AGPAT4: variants seen among roughly 807,000 people sequenced by gnomAD.
AGPAT4 encodes the protein 1-acylglycerol-3-phosphate O-acyltransferase 4, also known as 1-acyl-sn-glycerol-3-phosphate acyltransferase delta.
A neutral mutation model predicts 48.0 loss-of-function variants in AGPAT4; 15 were observed. The ratio of observed to expected loss-of-function variants is 0.31; its 90% CI spans 0.21 to 0.48. The LOEUF (loss-of-function observed/expected upper bound fraction) is 0.48, where lower values mean the gene tolerates loss of function less well. Ranked by LOEUF, AGPAT4 falls within the 20% of genes least tolerant of loss-of-function variation. The pLI is 0.99. For missense variants in AGPAT4, 314 were observed against 482.5 expected, an observed-to-expected ratio of 0.65 and a Z score of 3.27; for synonymous variants, 178 against 198.7, an observed-to-expected ratio of 0.90 and a Z score of 0.88.
chr6:161,230,736 C>A (rs1782101770), intron 2 of AGPAT4, among the ~76,000 whole-genome samples: 1 of 152,062 alleles, frequency 6.6e-6, no homozygotes, highest in South Asian at 2.1e-4. Flanking sequence ...ACCCAACAGG[C>A]CAGAGACAAA....
In AGPAT4 at chr6:161,208,740, T is replaced by C. The variant is rs1781447538; in HGVS notation, c.178+23296A>G. Among the ~76,000 whole-genome samples the C allele has an allele frequency of 6.6e-6, 1 of 152,242 alleles. No homozygotes were observed. Among genetic ancestry groups the C allele is most frequent in the Non-Finnish European group, 1.5e-5 (1 of 68,048 alleles). ...AAAAGAAAACTATTTGGTGCTGATT[T>C]ATTTAAATAAAAAATTATTTCCCAA... On this transcript the variant is annotated intron_variant, in intron 2 of 8. Coordinates refer to ENST00000320285, the MANE Select transcript of AGPAT4 (RefSeq NM_020133.3). This position sits in a 1 kb window ranked among gnomAD's most constrained non-coding sequence, Gnocchi z 4.6.
Position 161,173,561 on chromosome 6 carries a change from T to C in AGPAT4, c.179-7144A>G, listed in dbSNP as rs577352739. Among the ~76,000 whole-genome samples the C allele has an allele frequency of 2.0e-5, 3 of 152,346 alleles. No individual in the cohort carries two copies. The South Asian group carries it at 6.2e-4, about 32-fold the overall frequency. On this transcript the variant is annotated intron_variant, in intron 2 of 8. Coordinates refer to ENST00000320285, the MANE Select transcript of AGPAT4 (RefSeq NM_020133.3). ...GGATATTAGCCCTTTGTCAGATGGG[T>C]AGATTGTAAGATTTTTCTCCCATTC...
chr6:161,194,894 A>T (rs1211566771), intron 2 of AGPAT4, among the ~76,000 whole-genome samples: 1 of 152,162 alleles, frequency 6.6e-6, no homozygotes, highest in Non-Finnish European at 1.5e-5. Flanking sequence ...TCCATGGATG[A>T]TCTGATACAC....
rs1778975310 is a variant in AGPAT4, at chr6:161,133,685, TCTGGGGATGACCCTGCACTG to T, written c.*2835_*2854del. On this transcript the variant is annotated 3_prime_UTR_variant, in exon 9 of 9. Coordinates refer to ENST00000320285, the MANE Select transcript of AGPAT4 (RefSeq NM_020133.3). ...GTCGCCTAGGATATGGCCCGTCACG[TCTGGGGATGACCCTGCACTG>T]CTCTCCAGATTTCACTCAAGGTTCG... 1 of 152,142 alleles carries T rather than the reference TCTGGGGATGACCCTGCACTG, an allele frequency of 6.6e-6. No individual in the cohort carries two copies. Among genetic ancestry groups the T allele is most frequent in the Non-Finnish European group, 1.5e-5 (1 of 68,038 alleles). The allele number at this position is 152,142 out of a possible 1,614,324, so 9.4% of individuals were successfully genotyped here. A position where few individuals can be genotyped will look rare whatever the true frequency, so the allele number is the denominator to read the frequency against.
rs1781381013 is a variant in AGPAT4, at chr6:161,206,452, C to T, written c.178+25584G>A. 6.6e-6 allele frequency among the ~76,000 whole-genome samples: 1 copy of T among 152,232 alleles called. No homozygotes were observed. Among genetic ancestry groups the T allele is most frequent in the Non-Finnish European group, 1.5e-5 (1 of 68,036 alleles). Reference sequence around the variant, plus strand: ...TGCACAGCAGTAATGAGACACCCTTCTCCCATCCAGGTGTCACTGGGGGCA... The same window carrying T: ...TGCACAGCAGTAATGAGACACCCTTTTCCCATCCAGGTGTCACTGGGGGCA... On this transcript the variant is annotated intron_variant, in intron 2 of 8. Coordinates refer to ENST00000320285, the MANE Select transcript of AGPAT4 (RefSeq NM_020133.3). This position sits in a 1 kb window ranked among gnomAD's most constrained non-coding sequence, Gnocchi z 4.8.
intron 3 of AGPAT4, chr6:161,160,096 C>G (rs1779881612): frequency 6.8e-6 from 1 of 147,084 alleles, no homozygotes; most frequent in African/African-American, 2.5e-5. Flanking sequence ...TGCCACCACA[C>G]CCAGCTAATT....
At position 161,242,792 on chromosome 6, in the gene AGPAT4, C is replaced by T. The variant is rs1288466857; in HGVS notation, c.-89-10490G>A. On this transcript the variant is annotated intron_variant, in intron 1 of 8. Transcript: ENST00000320285. The surrounding 1 kb of genome is among the most constrained non-coding windows in gnomAD (Gnocchi z 5.0). ...TTCTGGTTAATAAGGAAACCTAGGC[C>T]GGGCGCAGCGGCTCACACCTGTCAT... is the stretch of plus-strand genomic sequence containing the variant. Among the ~76,000 whole-genome samples the T allele has an allele frequency of 6.6e-6, 1 of 152,100 alleles. No homozygotes were observed. The highest frequency in any genetic ancestry group is 1.5e-5 in the Non-Finnish European group (1 of 68,024).
Position 161,141,545 on chromosome 6 carries a change from A to G in AGPAT4, c.844-1925T>C, listed in dbSNP as rs1779249612. 6.6e-6 allele frequency among the ~76,000 whole-genome samples: 1 copy of G among 152,080 alleles called. No individual in the cohort carries two copies. Among genetic ancestry groups the G allele is most frequent in the South Asian group, 2.1e-4 (1 of 4,826 alleles). On this transcript the variant is annotated intron_variant, in intron 7 of 8. Coordinates refer to ENST00000320285, the MANE Select transcript of AGPAT4 (RefSeq NM_020133.3). This position sits in a 1 kb window ranked among gnomAD's most constrained non-coding sequence, Gnocchi z 6.7. ...CCAGGTTGGGGCCACAGGGCACCTGATAACTAGACAAGGGGGGTGATATTT... is the reference window on the plus strand; with the variant it reads ...CCAGGTTGGGGCCACAGGGCACCTGGTAACTAGACAAGGGGGGTGATATTT...
rs1782359251 is a variant in AGPAT4, at chr6:161,238,234, G to A, written c.-89-5932C>T. ...AACTTACTTGGCCCTCACTTTCCTC[G>A]TGTGTAAAATCAGAGCAATAACTTC... On this transcript the variant is annotated intron_variant, in intron 1 of 8. Transcript: ENST00000320285. The surrounding 1 kb of genome is among the most constrained non-coding windows in gnomAD (Gnocchi z 5.2). Among the ~76,000 whole-genome samples the A allele has an allele frequency of 1.3e-5, 2 of 152,122 alleles. No homozygotes were observed. Among genetic ancestry groups the A allele is most frequent in the African/African-American group, 2.4e-5 (1 of 41,406 alleles).
In AGPAT4 at chr6:161,133,322, A is replaced by AATG. The variant is rs996268951; in HGVS notation, c.*3215_*3217dup. 5.1e-4 allele frequency: 77 copies of AATG among 152,330 alleles called. No individual in the cohort carries two copies. The highest frequency in any genetic ancestry group is 1.8e-3 in the African/African-American group (74 of 41,572). 9.4% of individuals were successfully genotyped at this position (152,330 alleles called of 1,614,324 possible). A position where few individuals can be genotyped will look rare whatever the true frequency, so the allele number is the denominator to read the frequency against. ...CATATGGATATATTAGAAAAACCCT[A>AATG]ATGTTTTAAAATTTTTTTAATCATC... On this transcript the variant is annotated 3_prime_UTR_variant, in exon 9 of 9. Transcript: ENST00000320285.
rs1444202297 is a variant in AGPAT4, at chr6:161,240,782, G to T, written c.-89-8480C>A. Among the ~76,000 whole-genome samples, 1 of 152,134 alleles carries T rather than the reference G, an allele frequency of 6.6e-6. No individual in the cohort carries two copies. Among genetic ancestry groups the T allele is most frequent in the Non-Finnish European group, 1.5e-5 (1 of 68,022 alleles). ...TGTGGCCAAAGTCTCCACCAGGGCG[G>T]CAACTAACTTGTACAGGTCTGAGGA... On this transcript the variant is annotated intron_variant, in intron 1 of 8. Coordinates refer to ENST00000320285, the MANE Select transcript of AGPAT4 (RefSeq NM_020133.3). The surrounding 1 kb of genome is among the most constrained non-coding windows in gnomAD (Gnocchi z 5.5).
At chr6:161,173,438 T>C (rs562977950) in intron 2 of AGPAT4, among the ~76,000 whole-genome samples, 68 of 152,372 alleles carry the variant, frequency 4.5e-4, no homozygotes, top group African/African-American at 1.5e-3. Context: ...TGTATAAATG[T>C]CTTCTTTTGA....
In AGPAT4 at chr6:161,134,474, C is replaced by T. The variant is rs1416883814; in HGVS notation, c.*2066G>A. On this transcript the variant is annotated 3_prime_UTR_variant, in exon 9 of 9. Coordinates refer to ENST00000320285, the MANE Select transcript of AGPAT4 (RefSeq NM_020133.3). ...AGAGTAGCAACATAGAGGCAGCTTT[C>T]TAGTCTTTCATCCTTGGCTTAGTGC... 1 of 152,216 alleles carries T rather than the reference C, an allele frequency of 6.6e-6. No homozygotes were observed. The highest frequency in any genetic ancestry group is 2.4e-5 in the African/African-American group (1 of 41,460). The allele number at this position is 152,216 out of a possible 1,614,324, so 9.4% of individuals were successfully genotyped here. A position where few individuals can be genotyped will look rare whatever the true frequency, so the allele number is the denominator to read the frequency against.
At position 161,130,333 on chromosome 6, in the gene AGPAT4, G is replaced by T. The variant is rs1778862143; in HGVS notation, c.*6207C>A. 1 of 153,070 alleles carries T rather than the reference G, an allele frequency of 6.5e-6. No individual in the cohort carries two copies. The highest frequency in any genetic ancestry group is 2.1e-4 in the South Asian group (1 of 4,874). The allele number at this position is 153,070 out of a possible 1,614,324, so 9.5% of individuals were successfully genotyped here. On this transcript the variant is annotated 3_prime_UTR_variant, in exon 9 of 9. Transcript: ENST00000320285. ...CTGATGTCATTCTTAGGGCATCTTT[G>T]CTCTCTCCTGGCCATTACTGCTTGC... is the stretch of plus-strand genomic sequence containing the variant.
rs1276583490 is a variant in AGPAT4 at position 161,177,155 on chromosome 6, G to A, written c.179-10738C>T. ...TCTTCTCGAGGAGTATCTTTGTGGCGTTCTCTGTATTTCCTGAATTTGAAT... is the reference window on the plus strand; with the variant it reads ...TCTTCTCGAGGAGTATCTTTGTGGCATTCTCTGTATTTCCTGAATTTGAAT... On this transcript the variant is annotated intron_variant, in intron 2 of 8. Coordinates refer to ENST00000320285, the MANE Select transcript of AGPAT4 (RefSeq NM_020133.3). This position sits in a 1 kb window ranked among gnomAD's most constrained non-coding sequence, Gnocchi z 5.0. 1.3e-4 allele frequency among the ~76,000 whole-genome samples: 20 copies of A among 152,038 alleles called. No individual in the cohort carries two copies. The highest frequency in any genetic ancestry group is 2.7e-4 in the African/African-American group (11 of 41,390).
chr6:161,141,697 T>C lies in AGPAT4; in HGVS notation c.844-2077A>G, dbSNP rs914049602. Among the ~76,000 whole-genome samples the C allele has an allele frequency of 6.6e-6, 1 of 152,238 alleles. No individual in the cohort carries two copies. Reference sequence around the variant, plus strand: ...AATTTATTTTCCTTAACAGTCTTTATAGTGCTTTTTTACAGTAATATCACA... The same window carrying C: ...AATTTATTTTCCTTAACAGTCTTTACAGTGCTTTTTTACAGTAATATCACA... On this transcript the variant is annotated intron_variant, in intron 7 of 8. Coordinates refer to ENST00000320285, the MANE Select transcript of AGPAT4 (RefSeq NM_020133.3). This position sits in a 1 kb window ranked among gnomAD's most constrained non-coding sequence, Gnocchi z 6.7.
Position 161,139,902 on chromosome 6 carries a change from TG to T in AGPAT4, c.844-283del. Among the ~76,000 whole-genome samples, 1 of 152,312 alleles carries T rather than the reference TG, an allele frequency of 6.6e-6. No individual in the cohort carries two copies. Among genetic ancestry groups the T allele is most frequent in the East Asian group, 1.9e-4 (1 of 5,162 alleles). On this transcript the variant is annotated intron_variant, in intron 7 of 8. Coordinates refer to ENST00000320285, the MANE Select transcript of AGPAT4 (RefSeq NM_020133.3). The surrounding 1 kb of genome is among the most constrained non-coding windows in gnomAD (Gnocchi z 9.1). Reference sequence around the variant, plus strand: ...CATGAACCCTGGCGCCAGGCCAGCCTGGGCTAGGATCCACCCTCTGTGGGCA... The same window carrying T: ...CATGAACCCTGGCGCCAGGCCAGCCTGGCTAGGATCCACCCTCTGTGGGCA...
Position 161,218,219 on chromosome 6 carries a change from C to G in AGPAT4, c.178+13817G>C. Among the ~76,000 whole-genome samples the G allele has an allele frequency of 6.6e-6, 1 of 152,148 alleles. No individual in the cohort carries two copies. The highest frequency in any genetic ancestry group is 1.5e-5 in the Non-Finnish European group (1 of 68,034). Reference sequence around the variant, plus strand: ...GCTGGAAAATGGTTAACAACCAGCTCTTGTGTGGCAGGGGAGGCAGTAGGT... The same window carrying G: ...GCTGGAAAATGGTTAACAACCAGCTGTTGTGTGGCAGGGGAGGCAGTAGGT... On this transcript the variant is annotated intron_variant, in intron 2 of 8. Transcript: ENST00000320285. The surrounding 1 kb of genome is among the most constrained non-coding windows in gnomAD (Gnocchi z 4.7).
rs1475430649 is a variant in AGPAT4 at position 161,270,295 on chromosome 6, T to C, written c.-90+3643A>G. Among the ~76,000 whole-genome samples the C allele has an allele frequency of 6.6e-6, 1 of 152,190 alleles. No individual in the cohort carries two copies. The highest frequency in any genetic ancestry group is 2.4e-5 in the African/African-American group (1 of 41,462). ...GCCACTGCAGACCTTCCCAAGCCCA[T>C]GCATGAAGCCAGGTTTCAGAGTTCC... On this transcript the variant is annotated intron_variant, in intron 1 of 8. Coordinates refer to ENST00000320285, the MANE Select transcript of AGPAT4 (RefSeq NM_020133.3). The surrounding 1 kb of genome is among the most constrained non-coding windows in gnomAD (Gnocchi z 5.3).
Sources: gnomAD v4.1 joint callset for allele counts (sites outside exome capture counted in the v4.1 genomes callset) on GRCh38, gnomAD v4.1.1 for gene constraint, Gnocchi (gnomAD v3.1) non-coding constraint, MANE v1.5 for transcripts, NCBI Gene and HGNC (gene_info 2026-07-23, HGNC 2026-07-21) for gene names.